Variants in RBX1 observed in about 807,000 individuals in gnomAD.
The protein encoded by RBX1 is ring-box 1.
For missense variants in RBX1, 46 were observed against 141.4 expected (o/e 0.33, Z 3.42); for synonymous variants, 48 against 47.9 (o/e 1.00, Z -0.01).
Position 40,972,675 on chromosome 22 carries a change from C to G in RBX1, c.*187C>G, listed in dbSNP as rs542956304. The G allele has an allele frequency of 7.1e-6, 4 of 563,426 alleles. No homozygotes were observed. The highest frequency in any genetic ancestry group is 3.1e-5 in the Admixed American group (1 of 32,714). The allele number at this position is 563,426 out of a possible 1,614,324, so 34.9% of individuals were successfully genotyped here. A position where few individuals can be genotyped will look rare whatever the true frequency, so the allele number is the denominator to read the frequency against. ...AGTTGGATTCTGGAACGGATGCTCTCTCTTGTGTATGTGAACAAAGTGAAC... is the reference window on the plus strand; with the variant it reads ...AGTTGGATTCTGGAACGGATGCTCTGTCTTGTGTATGTGAACAAAGTGAAC... On this transcript the variant is annotated 3_prime_UTR_variant, in exon 5 of 5. Transcript: ENST00000216225.
intron 1 of RBX1, among the ~76,000 whole-genome samples, chr22:40,952,547 G>A (rs1472000861): frequency 1.3e-5 from 2 of 152,190 alleles, no homozygotes; most frequent in African/African-American, 4.8e-5. Context: ...AAGTTACTAG[G>A]CACTGAGAAT....
chr22:40,963,479 T>C (rs1380025414), intron 2 of RBX1, among the ~76,000 whole-genome samples: 1 of 151,782 alleles, frequency 6.6e-6, no homozygotes, highest in Non-Finnish European at 1.5e-5. Flanking sequence ...CTACTAAAAA[T>C]ACAAAATTAG....
chr22:40,955,083 G>T (rs143017629), intron 2 of RBX1, among the ~76,000 whole-genome samples: 1 of 151,962 alleles, frequency 6.6e-6, no homozygotes, highest in Non-Finnish European at 1.5e-5. Flanking sequence ...CACCATGCCC[G>T]GCCTGCTTTT....
At chr22:40,961,905 C>T (rs2058341583) in intron 2 of RBX1, among the ~76,000 whole-genome samples, 1 of 152,040 alleles carries the variant, frequency 6.6e-6, no homozygotes, top group Non-Finnish European at 1.5e-5. Context: ...CTGCCTCAGC[C>T]TCCTGAGTAG....
At chr22:40,964,017 C>T in intron 2 of RBX1, 30 bp from the exon 3 acceptor site, 1 of 1,584,466 alleles carries the variant, frequency 6.3e-7, no homozygotes, top group Non-Finnish European at 8.7e-7. Flanking sequence ...CTCCCAAGGT[C>T]CAGTGATCCT....
At chr22:40,964,266 T>A in intron 3 of RBX1, 149 bp downstream of exon 3, 2 of 594,948 alleles carry the variant, frequency 3.4e-6, no homozygotes, top group East Asian at 3.0e-5. Context: ...TTTTAAATCA[T>A]AATACTATTC....
chr22:40,964,173 T>C, intron 3 of RBX1, 56 bp downstream of exon 3: 3 of 1,364,022 alleles, frequency 2.2e-6, no homozygotes, highest in Non-Finnish European at 3.1e-6. Context: ...CCACTTTTCC[T>C]GCTTTGCTAG....
In RBX1 at chr22:40,955,812, C is replaced by G. The variant is rs930684040; in HGVS notation, c.157+2179C>G. Among the ~76,000 whole-genome samples, 2 of 152,180 alleles carry G rather than the reference C, an allele frequency of 1.3e-5. 1 individual carries two copies. The highest frequency in any genetic ancestry group is 4.1e-4 in the South Asian group (2 of 4,834). ...TGCCCTTGGCTTCTTTGAGCTTTGA[C>G]ACTGTTTATCTCTTCACACTACAGC... On this transcript the variant is annotated intron_variant, in intron 2 of 4. Transcript: ENST00000216225.
intron 4 of RBX1, among the ~76,000 whole-genome samples, chr22:40,971,522 T>C (rs1219637325): frequency 6.6e-6 from 1 of 152,132 alleles, no homozygotes; most frequent in Non-Finnish European, 1.5e-5. Context: ...TCTGTTTATA[T>C]GTGGAAGAAA....
intron 4 of RBX1, among the ~76,000 whole-genome samples, chr22:40,968,270 T>C (rs915348442): frequency 3.9e-5 from 6 of 152,008 alleles, no homozygotes; most frequent in African/African-American, 1.5e-4. Context: ...TTTGTATTTT[T>C]CGTAGAGATT....
intron 3 of RBX1, among the ~76,000 whole-genome samples, chr22:40,965,509 C>T (rs1048333212): frequency 1.3e-5 from 2 of 151,608 alleles, no homozygotes; most frequent in South Asian, 2.1e-4. Flanking sequence ...GACGCAGTCC[C>T]GGCTTACTGC....
chr22:40,960,994 C>T lies in RBX1; in HGVS notation c.158-3053C>T, dbSNP rs754072018. ...GGCCAGGCTGGTCTCGAACTCCTGA[C>T]CTCAGATGATCTGCCTGCCTCGACT... On this transcript the variant is annotated intron_variant, in intron 2 of 4. Transcript: ENST00000216225. Among the ~76,000 whole-genome samples, 158 of 152,138 alleles carry T rather than the reference C, an allele frequency of 1.0e-3. 1 individual carries two copies. The highest frequency in any genetic ancestry group is 2.1e-3 in the Non-Finnish European group (142 of 68,002).
At chr22:40,964,654 A>C (rs1189679522) in intron 3 of RBX1, among the ~76,000 whole-genome samples, 1 of 152,228 alleles carries the variant, frequency 6.6e-6, no homozygotes, top group Non-Finnish European at 1.5e-5. Context: ...AAGGATAACA[A>C]ATATCAAATA....
At chr22:40,972,288 T>C (rs1186388372) in intron 4 of RBX1, among the ~76,000 whole-genome samples, 188 bp from the exon 5 acceptor site, 1 of 152,116 alleles carries the variant, frequency 6.6e-6, no homozygotes, top group Non-Finnish European at 1.5e-5. Flanking sequence ...CAAGAAGTCC[T>C]GTAAGATGGG....
intron 2 of RBX1, among the ~76,000 whole-genome samples, chr22:40,961,828 A>C (rs1478873406): frequency 4.0e-5 from 6 of 151,816 alleles, no homozygotes; most frequent in African/African-American, 1.2e-4. Context: ...TCTGTCACCC[A>C]GGCTGGAATG....
chr22:40,951,563 A>G, intron 1 of RBX1, 87 bp downstream of exon 1: 1 of 1,317,876 alleles, frequency 7.6e-7, no homozygotes, highest in Non-Finnish European at 1.1e-6. Context: ...GCGCGGAGTA[A>G]AGGGTTTCAT....
intron 2 of RBX1, among the ~76,000 whole-genome samples, chr22:40,956,102 C>T (rs561115394): frequency 1.3e-5 from 2 of 151,856 alleles, no homozygotes; most frequent in African/African-American, 2.4e-5. Context: ...GTATATGTGT[C>T]TCTGGATATG....
chr22:40,951,536 G>C, intron 1 of RBX1, 60 bp downstream of exon 1: 1 of 1,532,352 alleles, frequency 6.5e-7, no homozygotes, highest in Non-Finnish European at 8.9e-7. Flanking sequence ...TGGCTGGCAG[G>C]CCCGAGGATG....
At chr22:40,953,494 CT>C in intron 1 of RBX1, 60 bp from the exon 2 acceptor site, 1 of 1,147,020 alleles carries the variant, frequency 8.7e-7, no homozygotes, top group Non-Finnish European at 1.3e-6. Flanking sequence ...GCCTGAGGTC[CT>C]AAAGAGTATG....
Sources: gnomAD v4.1 joint callset for allele counts (sites outside exome capture counted in the v4.1 genomes callset) on GRCh38, gnomAD v4.1.1 for gene constraint, MANE v1.5 for transcripts, NCBI Gene and HGNC (gene_info 2026-07-23, HGNC 2026-07-21) for gene names.